The following STEAP2 variants were observed in gnomAD, a reference collection of about 807,000 sequenced individuals.
STEAP2 encodes the protein STEAP2 metalloreductase, also known as metalloreductase STEAP2.
A neutral mutation model predicts 46.4 loss-of-function variants in STEAP2; 30 were observed. The ratio of observed to expected loss-of-function variants is 0.65; its 90% CI spans 0.48 to 0.88. The LOEUF (loss-of-function observed/expected upper bound fraction) is 0.88. STEAP2 is among the 40% of genes least tolerant of loss of function. STEAP2 has a pLI of 0.00. For missense variants in STEAP2, 513 were observed against 579.3 expected (o/e 0.89, Z 1.18); for synonymous variants, 180 against 200.5 (o/e 0.90, Z 0.86).
intron 1 of STEAP2, 158 bp from the exon 2 acceptor site, chr7:90,216,333 A>G (rs1043868784): frequency 3.9e-5 from 6 of 152,212 alleles, no homozygotes; most frequent in Non-Finnish European, 8.8e-5. Context: ...CAGCAGGATC[A>G]TGATGCCTGG....
At chr7:90,231,823 A>G (rs1487383107) in intron 5 of STEAP2, among the ~76,000 whole-genome samples, 2 of 152,080 alleles carry the variant, frequency 1.3e-5, no homozygotes, top group Admixed American at 1.3e-4. Context: ...AGCAGTATGT[A>G]TCAGTACCCT....
At position 90,232,610 on chromosome 7, in the gene STEAP2, G is replaced by T; in HGVS notation, c.1459G>T (p.Val487Phe). 6.2e-7 allele frequency: 1 copy of T among 1,610,880 alleles called. No homozygotes were observed. ...GTIPHVSPER[V>F]TVM ...AATTCCTCATGTCTCCCCGGAGAGG[G>T]TCACAGTAATGTGATGACAAATGGT... The change falls in exon 6 of 6, where the codon GTC (valine) becomes TTC (phenylalanine). Residue 487 changes from valine (V) to phenylalanine (F), a missense_variant. Transcript: ENST00000394621.
chr7:90,231,921 C>G (rs1382518073), intron 5 of STEAP2, among the ~76,000 whole-genome samples: 1 of 151,950 alleles, frequency 6.6e-6, no homozygotes, highest in African/African-American at 2.4e-5. Flanking sequence ...AATGGCCTAA[C>G]ATGACATTTA....
rs780453173 is a variant in STEAP2, at chr7:90,225,362, C to G, written c.280C>G (p.His94Asp). 3 of 1,613,836 alleles carry G rather than the reference C, an allele frequency of 1.9e-6. No individual in the cohort carries two copies. In the South Asian group the frequency reaches 3.3e-5, roughly 18 times the overall value. Residue 94 changes from histidine to aspartate, a missense_variant, in exon 3 of 6, where the codon CAC becomes GAC. By Grantham distance (81) the His-to-Asp change is moderately conservative. Transcript: ENST00000394621. ...AACAAATATAATATTTGTTGCTATA[C>G]ACAGAGAACATTATACCTCCCTGTG... ...TKTNIIFVAI[H>D]REHYTSLWDL... is the part of the protein sequence containing the mutation.
Position 90,234,975 on chromosome 7 carries a change from C to G in STEAP2, c.*2351C>G. On this transcript the variant is annotated 3_prime_UTR_variant, in exon 6 of 6. Transcript: ENST00000394621. ...GTTGGGCAATGATAACTTTTATGGGCAAAAACATTCTATTATAGTGAACTA... is the reference window on the plus strand; with the variant it reads ...GTTGGGCAATGATAACTTTTATGGGGAAAAACATTCTATTATAGTGAACTA... 6 of 972,572 alleles carry G rather than the reference C, an allele frequency of 6.2e-6. No individual in the cohort carries two copies. The highest frequency in any genetic ancestry group is 7.3e-6 in the Non-Finnish European group (6 of 818,244). The allele number at this position is 972,572 out of a possible 1,614,324, so 60.2% of individuals were successfully genotyped here. A position where few individuals can be genotyped will look rare whatever the true frequency, so the allele number is the denominator to read the frequency against.
Position 90,233,007 on chromosome 7 carries a change from T to C in STEAP2, c.*383T>C. ...AAATAATTCAATGGATATACATTTT[T>C]TTCTGAAGATTAAGATTTTAATTAT... On this transcript the variant is annotated 3_prime_UTR_variant, in exon 6 of 6. Coordinates refer to ENST00000394621, the MANE Select transcript of STEAP2 (RefSeq NM_001244944.2). The C allele has an allele frequency of 1.0e-6, 1 of 965,310 alleles. No individual in the cohort carries two copies. The highest frequency in any genetic ancestry group is 1.2e-6 in the Non-Finnish European group (1 of 811,416). The allele number at this position is 965,310 out of a possible 1,614,324, so 59.8% of individuals were successfully genotyped here. A position where few individuals can be genotyped will look rare whatever the true frequency, so the allele number is the denominator to read the frequency against.
intron 2 of STEAP2, among the ~76,000 whole-genome samples, chr7:90,218,284 G>A (rs976969681): frequency 6.6e-6 from 1 of 152,030 alleles, no homozygotes; most frequent in African/African-American, 2.4e-5. Flanking sequence ...AGTCCCATTT[G>A]TCTATTTTTT....
At chr7:90,219,692 T>G (rs1795169678) in intron 2 of STEAP2, among the ~76,000 whole-genome samples, 1 of 152,034 alleles carries the variant, frequency 6.6e-6, no homozygotes, top group South Asian at 2.1e-4. Context: ...TTATGAGTTG[T>G]TAGATTTGGT....
At chr7:90,228,660 G>A (rs1253388331) in intron 4 of STEAP2, among the ~76,000 whole-genome samples, 3 of 152,008 alleles carry the variant, frequency 2.0e-5, no homozygotes, top group Non-Finnish European at 2.9e-5. Flanking sequence ...ATTTACCAGT[G>A]TCTGCCTTCC....
Position 90,235,095 on chromosome 7 carries a change from A to T in STEAP2, c.*2471A>T, listed in dbSNP as rs1060192. The T allele has an allele frequency of 1.1e-6, 1 of 947,868 alleles. No individual in the cohort carries two copies. Among genetic ancestry groups the T allele is most frequent in the East Asian group, 1.2e-4 (1 of 8,674 alleles). The allele number at this position is 947,868 out of a possible 1,614,324, so 58.7% of individuals were successfully genotyped here. Reference sequence around the variant, plus strand: ...CCACTTAATGTGATGAAATATTCCTAAAAGTTAAATGACTATTAAAGCATA... The same window carrying T: ...CCACTTAATGTGATGAAATATTCCTTAAAGTTAAATGACTATTAAAGCATA... On this transcript the variant is annotated 3_prime_UTR_variant, in exon 6 of 6. Coordinates refer to ENST00000394621, the MANE Select transcript of STEAP2 (RefSeq NM_001244944.2).
chr7:90,220,256 C>G (rs1014167513), intron 2 of STEAP2, among the ~76,000 whole-genome samples: 1 of 152,166 alleles, frequency 6.6e-6, no homozygotes, highest in Non-Finnish European at 1.5e-5. Context: ...GTGAAGCCAT[C>G]TGGCCCTGGA....
chr7:90,237,942 C>A (rs1362195699), downstream of STEAP2, among the ~76,000 whole-genome samples: 14 of 152,012 alleles, frequency 9.2e-5, 1 homozygote, highest in Non-Finnish European at 4.4e-5. Flanking sequence ...ACTAAATCCC[C>A]AGTATCTAGT....
At position 90,226,896 on chromosome 7, in the gene STEAP2, G is replaced by A. The variant is rs1014116343; in HGVS notation, c.493-75G>A. The A allele has an allele frequency of 2.4e-5, 34 of 1,430,992 alleles. 1 individual carries two copies. The highest frequency in any genetic ancestry group is 5.6e-5 in the South Asian group (4 of 72,022). 88.6% of individuals were successfully genotyped at this position (1,430,992 alleles called of 1,614,324 possible). ...TCAAGGTCATCACAGGTGATGGTCC[G>A]TAAGTGGAGCATGCGATTGCTACCA... is the stretch of plus-strand genomic sequence containing the variant. On this transcript the variant is annotated intron_variant, in intron 3 of 5. Coordinates refer to ENST00000394621, the MANE Select transcript of STEAP2 (RefSeq NM_001244944.2).
At chr7:90,222,197 G>A (rs1795281302) in intron 2 of STEAP2, among the ~76,000 whole-genome samples, 1 of 152,004 alleles carries the variant, frequency 6.6e-6, no homozygotes, top group African/African-American at 2.4e-5. Flanking sequence ...ATATTGACAG[G>A]TTTTTTTCCT....
chr7:90,221,174 TAA>T (rs1387981793), intron 2 of STEAP2, among the ~76,000 whole-genome samples: 11 of 152,194 alleles, frequency 7.2e-5, no homozygotes, highest in Non-Finnish European at 1.2e-4. Flanking sequence ...GTTTCTTTGT[TAA>T]TTTTCTGTCT....
At chr7:90,231,467 A>AG (rs1795745427) in intron 5 of STEAP2, among the ~76,000 whole-genome samples, 1 of 151,946 alleles carries the variant, frequency 6.6e-6, no homozygotes, top group African/African-American at 2.4e-5. Context: ...GTCGTTAGGC[A>AG]GTTTTATCAT....
In STEAP2 at chr7:90,227,454, A is replaced by G. The variant is rs747640058; in HGVS notation, c.976A>G (p.Arg326Gly). 5 of 1,599,222 alleles carry G rather than the reference A, an allele frequency of 3.1e-6. No individual in the cohort carries two copies. The African/African-American group carries it at 6.7e-5, about 21-fold the overall frequency. ...HVAYSLCLPM[R>G]RSERYLFLNM... ...TGCCTACAGCCTCTGCTTACCGATG[A>G]GAAGGTCAGAGAGATATTTGTTTCT... The change falls in exon 4 of 6, where the codon AGA (arginine) becomes GGA (glycine). Residue 326 changes from arginine (R) to glycine (G), a missense_variant. Transcript: ENST00000394621.
Position 90,227,232 on chromosome 7 carries a change from A to G in STEAP2, c.754A>G (p.Ile252Val), listed in dbSNP as rs745577344. The G allele has an allele frequency of 1.2e-6, 2 of 1,613,810 alleles. No homozygotes were observed. Among genetic ancestry groups the G allele is most frequent in the East Asian group, 4.5e-5 (2 of 44,876 alleles). Residue 252 changes from isoleucine (I) to valine (V), a missense_variant, in exon 4 of 6, where the codon ATA becomes GTA. Coordinates refer to ENST00000394621, the MANE Select transcript of STEAP2 (RefSeq NM_001244944.2). Reference protein sequence around the residue: ...NQQSDFYKIPIEIVNKTLPIV... With the variant: ...NQQSDFYKIPVEIVNKTLPIV... ...ACAGAGTGACTTTTACAAAATTCCT[A>G]TAGAGATTGTGAATAAAACCTTACC...
At chr7:90,217,881 TC>T (rs56972674) in intron 2 of STEAP2, among the ~76,000 whole-genome samples, 1,775 of 152,244 alleles carry the variant, frequency 0.012, 17 homozygotes, top group African/African-American at 0.041. Flanking sequence ...AATTTACATT[TC>T]CACCAATAAC....
Sources: gnomAD v4.1 joint callset for allele counts (sites outside exome capture counted in the v4.1 genomes callset) on GRCh38, gnomAD v4.1.1 for gene constraint, MANE v1.5 for transcripts, NCBI Gene and HGNC (gene_info 2026-07-23, HGNC 2026-07-21) for gene names.